Variants in FOXK2 observed in about 807,000 individuals in gnomAD.
The protein encoded by FOXK2 is forkhead box protein K2.
FOXK2 carries 24 observed loss-of-function variants against 53.3 expected under a neutral mutation model. The observed-to-expected ratio is 0.45, with a 90% confidence interval of 0.33 to 0.63. FOXK2 has a LOEUF of 0.63. FOXK2 is among the 30% of genes least tolerant of loss of function. FOXK2 has a pLI of 0.03. For synonymous variants in FOXK2, 505 were observed against 407.1 expected, an observed-to-expected ratio of 1.24 and a Z score of -2.89; for missense variants, 952 against 910.5, an observed-to-expected ratio of 1.05 and a Z score of -0.59.
intron 1 of FOXK2, among the ~76,000 whole-genome samples, chr17:82,559,091 A>C (rs1234415972): frequency 1.3e-5 from 2 of 151,688 alleles, no homozygotes; most frequent in African/African-American, 4.8e-5. Flanking sequence ...ATGGGGTTTC[A>C]CCGTGTTGGT....
In FOXK2 at chr17:82,519,962, C is replaced by T; in HGVS notation, c.74C>T (p.Ala25Val). The T allele has an allele frequency of 9.2e-7, 1 of 1,092,078 alleles. No individual in the cohort carries two copies. Among genetic ancestry groups the T allele is most frequent in the Non-Finnish European group, 1.1e-6 (1 of 897,204 alleles). The allele number at this position is 1,092,078 out of a possible 1,614,324, so 67.6% of individuals were successfully genotyped here. A position where few individuals can be genotyped will look rare whatever the true frequency, so the allele number is the denominator to read the frequency against. ...PAGGGAGGGG[A>V]GGGGSPPGGW... ...GGCGGCGGGGCCGGGGGCGGCGGGG[C>T]CGGGGGCGGCGGGTCCCCGCCGGGC... Residue 25 changes from alanine (A) to valine (V), a missense_variant, in exon 1 of 9, where the codon GCC (alanine) becomes GTC (valine). Ala to Val is a moderately conservative substitution (Grantham distance 64). Coordinates refer to ENST00000335255, the MANE Select transcript of FOXK2 (RefSeq NM_004514.4).
At chr17:82,527,840 A>G (rs912323710) in intron 1 of FOXK2, among the ~76,000 whole-genome samples, 2 of 151,814 alleles carry the variant, frequency 1.3e-5, no homozygotes, top group Admixed American at 1.3e-4. Context: ...TCACTCTGTC[A>G]CCCAGGCTGG....
chr17:82,591,004 C>T (rs2045248076), intron 8 of FOXK2, among the ~76,000 whole-genome samples: 1 of 152,224 alleles, frequency 6.6e-6, no homozygotes, highest in African/African-American at 2.4e-5. Flanking sequence ...CTGCCACCAG[C>T]TGCTGTGGGA....
At position 82,569,290 on chromosome 17, in the gene FOXK2, C is replaced by CT. The variant is rs771627856; in HGVS notation, c.762+1090dup. ...CCCCACCTGCGGCCGACTACGGCGT[C>CT]TAACACAGGGTGCTAGGCAAGGAGG... is the stretch of plus-strand genomic sequence containing the variant. On this transcript the variant is annotated intron_variant, in intron 3 of 8. Transcript: ENST00000335255. Among the ~76,000 whole-genome samples, 4 of 152,236 alleles carry CT rather than the reference C, an allele frequency of 2.6e-5. No homozygotes were observed. The East Asian group carries it at 7.7e-4, about 29-fold the overall frequency.
chr17:82,563,750 C>CTTTTTT lies in FOXK2; in HGVS notation c.614+202_614+203insTTTTTT, dbSNP rs1567975420. 1.2e-4 allele frequency among the ~76,000 whole-genome samples: 11 copies of CTTTTTT among 94,616 alleles called. 4 individuals carry two copies. Among genetic ancestry groups the CTTTTTT allele is most frequent in the Non-Finnish European group, 6.5e-5 (3 of 46,242 alleles). The allele number at this position is 94,616 out of a possible 152,430, so 62.1% of individuals were successfully genotyped here. ...GTTCCTGGTTTTTATTTACTCATTC[C>CTTTTTT]CTTTTTTTTTTTTTTTTTTGAGAAG... On this transcript the variant is annotated intron_variant, in intron 2 of 8. Transcript: ENST00000335255.
At chr17:82,520,420 CCACAGCCGGGACCA>C in intron 1 of FOXK2, 113 bp downstream of exon 1, 1 of 943,658 alleles carries the variant, frequency 1.1e-6, no homozygotes, top group South Asian at 5.4e-5. Flanking sequence ...CCCGACTCTC[CCACAGCCGGGACCA>C]CCAGCGGGAC....
At chr17:82,557,028 A>T (rs1252334463) in intron 1 of FOXK2, among the ~76,000 whole-genome samples, 1 of 135,832 alleles carries the variant, frequency 7.4e-6, no homozygotes, top group Non-Finnish European at 1.6e-5. Flanking sequence ...TTTTATTATT[A>T]TTATTTTTTA....
rs777417993 is a variant in FOXK2, at chr17:82,587,058, T to C, written c.1577-5T>C. ...TTAATGTCGTTTCTTTTCCTTTAAT[T>C]TCAGTGAAAGTAGAGCCTATTCCCG... On this transcript the variant is annotated splice_polypyrimidine_tract_variant and splice_region_variant and intron_variant, in intron 7 of 8. Coordinates refer to ENST00000335255, the MANE Select transcript of FOXK2 (RefSeq NM_004514.4). 44 of 1,611,906 alleles carry C rather than the reference T, an allele frequency of 2.7e-5. No homozygotes were observed. The Admixed American group carries it at 4.0e-4, about 15-fold the overall frequency.
chr17:82,543,096 A>C (rs1242886757), intron 1 of FOXK2, among the ~76,000 whole-genome samples: 1 of 152,242 alleles, frequency 6.6e-6, no homozygotes, highest in Non-Finnish European at 1.5e-5. Flanking sequence ...CAGAGTGGCC[A>C]GTGGGTCCTC....
rs1188273179 is a variant in FOXK2, at chr17:82,602,543, CCTG to C, written c.*1048_*1050del. ...CCCTCCGGCTCTAGGCGGCCTCTGA[CCTG>C]CTGTCTACTCCCCACCTTCGGTGAG... On this transcript the variant is annotated 3_prime_UTR_variant, in exon 9 of 9. Transcript: ENST00000335255. 2.0e-5 allele frequency: 3 copies of C among 152,398 alleles called. No individual in the cohort carries two copies. Among genetic ancestry groups the C allele is most frequent in the African/African-American group, 7.2e-5 (3 of 41,584 alleles). The allele number at this position is 152,398 out of a possible 1,614,324, so 9.4% of individuals were successfully genotyped here. A position where few individuals can be genotyped will look rare whatever the true frequency, so the allele number is the denominator to read the frequency against.
chr17:82,572,580 G>A (rs1239501228), intron 4 of FOXK2, among the ~76,000 whole-genome samples: 2 of 151,068 alleles, frequency 1.3e-5, no homozygotes, highest in Non-Finnish European at 2.9e-5. Flanking sequence ...CTGTGTATCT[G>A]TGTTGTGTTG....
intron 4 of FOXK2, among the ~76,000 whole-genome samples, chr17:82,578,935 C>T (rs2045023643): frequency 6.6e-6 from 1 of 152,222 alleles, no homozygotes; most frequent in Admixed American, 6.5e-5. Flanking sequence ...TGCTAACCTT[C>T]TTTCCTCCTA....
intron 4 of FOXK2, among the ~76,000 whole-genome samples, chr17:82,574,572 G>C (rs1288421876): frequency 6.6e-6 from 1 of 152,036 alleles, no homozygotes; most frequent in Non-Finnish European, 1.5e-5. Flanking sequence ...TGCCTGCCTC[G>C]GTCTCCCGAA....
intron 8 of FOXK2, chr17:82,593,758 GAT>G (rs761450096): frequency 2.0e-5 from 3 of 152,344 alleles, no homozygotes; most frequent in Non-Finnish European, 4.4e-5. Context: ...AGGATTTGAT[GAT>G]GTGGGTATCC....
At chr17:82,577,574 G>T (rs763852755) in intron 4 of FOXK2, among the ~76,000 whole-genome samples, 1 of 152,124 alleles carries the variant, frequency 6.6e-6, no homozygotes, top group Admixed American at 6.5e-5. Flanking sequence ...TGTGCATACC[G>T]CCGACACTGC....
Position 82,586,002 on chromosome 17 carries a change from A to G in FOXK2, c.1378A>G (p.Thr460Ala). 1 of 1,612,522 alleles carries G rather than the reference A, an allele frequency of 6.2e-7. No individual in the cohort carries two copies. Among genetic ancestry groups the G allele is most frequent in the Non-Finnish European group, 8.5e-7 (1 of 1,179,902 alleles). Residue 460 changes from threonine (T) to alanine (A), a missense_variant, in exon 7 of 9, where the codon ACC becomes GCC. Thr to Ala is a moderately conservative substitution (Grantham distance 58). This residue lies in a region of FOXK2 where 551 missense variants were observed against 385.1 expected (regional missense o/e 1.43). Coordinates refer to ENST00000335255, the MANE Select transcript of FOXK2 (RefSeq NM_004514.4). ...CTACACTGTGGCCACCCCAGTGACC[A>G]CCTCGACCTCCCAGCCACCCGTCGT... ...VTYTVATPVT[T>A]STSQPPVVQT...
chr17:82,566,861 C>T (rs1014540073), intron 2 of FOXK2, among the ~76,000 whole-genome samples: 4 of 152,218 alleles, frequency 2.6e-5, no homozygotes, highest in East Asian at 1.9e-4. Flanking sequence ...CCAAACCTGC[C>T]GTCCACCCAG....
chr17:82,569,055 C>G (rs918405661), intron 3 of FOXK2, among the ~76,000 whole-genome samples: 1 of 151,990 alleles, frequency 6.6e-6, no homozygotes, highest in African/African-American at 2.4e-5. Context: ...CCTCAGTGTC[C>G]CTAGGGGAAT....
intron 1 of FOXK2, among the ~76,000 whole-genome samples, chr17:82,523,492 C>CA: frequency 7.2e-6 from 1 of 139,402 alleles, no homozygotes; most frequent in South Asian, 2.3e-4. Flanking sequence ...TTTTTTAAGA[C>CA]AGAGTTTTTC....
Sources: allele counts gnomAD v4.1 joint callset (sites outside exome capture counted in the v4.1 genomes callset), GRCh38; gene constraint gnomAD v4.1.1; regional missense constraint gnomAD v4.1.1; transcripts MANE v1.5; gene names NCBI Gene and HGNC (gene_info 2026-07-23, HGNC 2026-07-21).